Variants in CPED1 observed in about 807,000 individuals in gnomAD.
CPED1 encodes cadherin like and PC-esterase domain containing 1, also known as cadherin-like and PC-esterase domain-containing protein 1.
In CPED1, 114 loss-of-function variants were observed where a neutral mutation model predicts 128.2. That is an observed-to-expected ratio of 0.89 (90% CI 0.76 to 1.04). The LOEUF is 1.04. CPED1 is among the 50% of genes least tolerant of loss of function. The probability of loss-of-function intolerance (pLI) is 0.00; values close to 1 mark genes in which losing one functional copy is unlikely to be tolerated. For missense variants in CPED1, 1,211 were observed against 1,207.1 expected (o/e 1.00, Z -0.05); for synonymous variants, 462 against 426.7 (o/e 1.08, Z -1.02).
intron 16 of CPED1, among the ~76,000 whole-genome samples, chr7:121,212,975 G>A (rs1226401207): frequency 6.6e-6 from 1 of 151,952 alleles, no homozygotes; most frequent in African/African-American, 2.4e-5. Flanking sequence ...TTCCGGGGGG[G>A]TGCAGGAGGG....
chr7:120,989,841 C>G lies in CPED1; in HGVS notation c.220C>G (p.Leu74Val). ...CTCTCAGGACAAACAGTGCTTCCTTCTCTCTGGTAATGCCCAGGAAACCAG... is the reference window on the plus strand; with the variant it reads ...CTCTCAGGACAAACAGTGCTTCCTTGTCTCTGGTAATGCCCAGGAAACCAG... ...GFSQDKQCFL[L>V]SGNAQETRKV... is the part of the protein sequence containing the mutation. The change falls in exon 2 of 23, where the codon CTC becomes GTC. Residue 74 changes from leucine to valine, a missense_variant. By Grantham distance (32) the Leu-to-Val change is conservative. Transcript: ENST00000310396. 6.2e-7 allele frequency: 1 copy of G among 1,614,132 alleles called. No individual in the cohort carries two copies. The highest frequency in any genetic ancestry group is 8.5e-7 in the Non-Finnish European group (1 of 1,180,026).
intron 16 of CPED1, among the ~76,000 whole-genome samples, chr7:121,142,451 G>A (rs1426901482): frequency 1.3e-5 from 2 of 151,768 alleles, no homozygotes; most frequent in African/African-American, 2.4e-5. Context: ...TTTTAAATTG[G>A]GCTATTTTTC....
At chr7:121,167,396 G>GA (rs1203356929) in intron 16 of CPED1, among the ~76,000 whole-genome samples, 1 of 152,048 alleles carries the variant, frequency 6.6e-6, no homozygotes, top group Non-Finnish European at 1.5e-5. Context: ...TTTCTTTATG[G>GA]AAAAAAGAGT....
At position 121,119,237 on chromosome 7, in the gene CPED1, A is replaced by ATT. The variant is rs146351691; in HGVS notation, c.919-5083_919-5082dup. ...AAATATAGGACAATCTAAAAAAGAT[A>ATT]TTTTTTTTTTTTGAGATGGAGTCTC... On this transcript the variant is annotated intron_variant, in intron 7 of 22. Transcript: ENST00000310396. Among the ~76,000 whole-genome samples the ATT allele has an allele frequency of 6.4e-3, 914 of 143,868 alleles. 11 individuals are homozygous for ATT. Among genetic ancestry groups the ATT allele is most frequent in the Admixed American group, 0.028 (405 of 14,466 alleles). 94.4% of individuals were successfully genotyped at this position (143,868 alleles called of 152,430 possible). A position where few individuals can be genotyped will look rare whatever the true frequency, so the allele number is the denominator to read the frequency against.
At chr7:121,125,037 G>A (rs1223193760) in intron 8 of CPED1, among the ~76,000 whole-genome samples, 1 of 152,080 alleles carries the variant, frequency 6.6e-6, no homozygotes, top group Non-Finnish European at 1.5e-5. Context: ...TAGCATGTAG[G>A]AGTAGGAGAG....
intron 16 of CPED1, among the ~76,000 whole-genome samples, chr7:121,190,122 C>T (rs192192194): frequency 2.4e-3 from 363 of 151,714 alleles, no homozygotes; most frequent in Non-Finnish European, 3.6e-3. Context: ...GATAAAAAGT[C>T]AGAGAATGAG....
intron 16 of CPED1, among the ~76,000 whole-genome samples, chr7:121,176,881 C>G (rs947823117): frequency 6.6e-6 from 1 of 151,992 alleles, no homozygotes; most frequent in East Asian, 1.9e-4. Flanking sequence ...TTTCTGCCAT[C>G]CTTGGAAAGG....
intron 16 of CPED1, among the ~76,000 whole-genome samples, chr7:121,172,305 T>C (rs1796664191): frequency 6.6e-6 from 1 of 152,154 alleles, no homozygotes; most frequent in South Asian, 2.1e-4. Context: ...TAGTTTACAA[T>C]GCGAAGCAGA....
chr7:121,038,281 G>A (rs1563001200), intron 3 of CPED1, among the ~76,000 whole-genome samples: 1 of 152,032 alleles, frequency 6.6e-6, no homozygotes, highest in Non-Finnish European at 1.5e-5. Context: ...GTTTGCTGTA[G>A]ACGGCTTTTA....
chr7:121,289,230 T>A (rs1333695323), intron 22 of CPED1, among the ~76,000 whole-genome samples: 2 of 152,206 alleles, frequency 1.3e-5, no homozygotes, highest in African/African-American at 2.4e-5. Context: ...AAACCTTCCA[T>A]AGCTACAGGA....
chr7:121,080,945 C>T (rs1433710836), intron 5 of CPED1, among the ~76,000 whole-genome samples: 1 of 152,066 alleles, frequency 6.6e-6, no homozygotes, highest in African/African-American at 2.4e-5. Flanking sequence ...AAGTCCAGGG[C>T]TATGCACTGA....
At chr7:121,052,432 A>G (rs1424610358) in intron 4 of CPED1, among the ~76,000 whole-genome samples, 1 of 152,164 alleles carries the variant, frequency 6.6e-6, no homozygotes, top group Non-Finnish European at 1.5e-5. Context: ...CCTTTGCGCC[A>G]TCACTCACTA....
At chr7:121,063,726 A>C (rs999454902) in intron 4 of CPED1, among the ~76,000 whole-genome samples, 4 of 152,154 alleles carry the variant, frequency 2.6e-5, no homozygotes, top group Non-Finnish European at 5.9e-5. Flanking sequence ...ATCTTTTATA[A>C]TCTTTTCAAA....
At chr7:121,038,073 T>C (rs1792948037) in intron 3 of CPED1, among the ~76,000 whole-genome samples, 1 of 152,148 alleles carries the variant, frequency 6.6e-6, no homozygotes, top group South Asian at 2.1e-4. Flanking sequence ...TACAATCATA[T>C]CATCAGCAAG....
chr7:121,067,948 T>A (rs1218523511), intron 5 of CPED1, among the ~76,000 whole-genome samples: 2 of 152,254 alleles, frequency 1.3e-5, no homozygotes, highest in Non-Finnish European at 2.9e-5. Context: ...TTTGCCCACT[T>A]TTCGATGGGG....
chr7:121,011,620 G>A (rs1422411108), intron 2 of CPED1, among the ~76,000 whole-genome samples: 1 of 152,062 alleles, frequency 6.6e-6, no homozygotes, highest in African/African-American at 2.4e-5. Flanking sequence ...TGAACAAAAT[G>A]GTCAAAAACA....
intron 3 of CPED1, among the ~76,000 whole-genome samples, chr7:121,029,797 A>C (rs891893761): frequency 1.3e-5 from 2 of 152,198 alleles, no homozygotes; most frequent in Admixed American, 1.3e-4. Context: ...GTCTTGTCAC[A>C]TTGAGTATTT....
intron 16 of CPED1, among the ~76,000 whole-genome samples, chr7:121,223,190 C>T (rs1262349455): frequency 6.6e-6 from 1 of 152,064 alleles, no homozygotes; most frequent in East Asian, 1.9e-4. Context: ...TGTCAAAGGC[C>T]TTTTCTGCAT....
At chr7:121,181,458 A>C (rs1340043125) in intron 16 of CPED1, among the ~76,000 whole-genome samples, 2 of 152,064 alleles carry the variant, frequency 1.3e-5, no homozygotes, top group Non-Finnish European at 2.9e-5. Context: ...ATGGAATTAA[A>C]GATATTTGTT....
Sources: gnomAD v4.1 joint callset for allele counts (sites outside exome capture counted in the v4.1 genomes callset) on GRCh38, gnomAD v4.1.1 for gene constraint, MANE v1.5 for transcripts, NCBI Gene and HGNC (gene_info 2026-07-23, HGNC 2026-07-21) for gene names.